CCND3: variants seen among roughly 807,000 people sequenced by gnomAD.
CCND3 encodes the protein cyclin D3, also known as G1/S-specific cyclin-D3.
Under a neutral mutation model 28.7 loss-of-function variants are expected in CCND3, and 9 were observed. The ratio of observed to expected loss-of-function variants is 0.31; its 90% CI spans 0.19 to 0.55. CCND3 has a LOEUF of 0.55. Among genes scored for constraint, CCND3 ranks in the 20% least tolerant of loss-of-function variants. CCND3 has a pLI of 0.93. For synonymous variants in CCND3, 164 were observed against 163.9 expected (o/e 1.00, Z 0.00); for missense variants, 315 against 385.8 (o/e 0.82, Z 1.54).
chr6:41,937,152 TA>T, intron 3 of CCND3, 82 bp downstream of exon 3: 2 of 1,466,604 alleles, frequency 1.4e-6, no homozygotes, highest in Non-Finnish European at 1.9e-6. Flanking sequence ...TTTGACAGTA[TA>T]AACCAGAATC....
chr6:41,977,473 T>C (rs999490973), intron 1 of CCND3, among the ~76,000 whole-genome samples: 4 of 152,118 alleles, frequency 2.6e-5, no homozygotes, highest in African/African-American at 9.7e-5. Flanking sequence ...TTCAGGCGAT[T>C]CTCCTGCCTC....
At chr6:42,008,439 T>C (rs971344243) in intron 1 of CCND3, among the ~76,000 whole-genome samples, 4 of 152,192 alleles carry the variant, frequency 2.6e-5, no homozygotes, top group East Asian at 1.9e-4. Flanking sequence ...AGTGTGTATG[T>C]ATAAAGTGAC....
intron 1 of CCND3, among the ~76,000 whole-genome samples, chr6:41,954,323 C>A (rs1191815642): frequency 2.9e-5 from 4 of 137,640 alleles, no homozygotes; most frequent in African/African-American, 1.1e-4. Context: ...GAGGCTGAGG[C>A]AGGCGAATCA....
intron 1 of CCND3, among the ~76,000 whole-genome samples, chr6:41,999,066 T>C (rs1409193872): frequency 6.6e-6 from 1 of 152,118 alleles, no homozygotes; most frequent in Non-Finnish European, 1.5e-5. Flanking sequence ...AAAACTGACA[T>C]AAAAAGATTA....
rs533782776 is a variant in CCND3, at chr6:41,948,763, C to T, written c.-45-8178G>A. The stretch of plus-strand genomic sequence containing the variant: ...GCTAAGGCAAGAGAATTGCTTGAAC[C>T]GGGACCCGGGAAGCGGAGGTTGCAG... On this transcript the variant is annotated intron_variant, in intron 1 of 4. Coordinates refer to the CCND3 transcript ENST00000372988. Among the ~76,000 whole-genome samples, 5 of 150,756 alleles carry T rather than the reference C, an allele frequency of 3.3e-5. No individual in the cohort carries two copies. In the South Asian group the frequency reaches 8.5e-4, roughly 26 times the overall value.
intron 1 of CCND3, among the ~76,000 whole-genome samples, chr6:42,018,749 G>C (rs1412238450): frequency 6.6e-6 from 1 of 151,850 alleles, no homozygotes; most frequent in African/African-American, 2.4e-5. Flanking sequence ...AAATTAACCA[G>C]GTATGGTGGC....
chr6:42,025,030 C>G (rs1206871528), intron 1 of CCND3, among the ~76,000 whole-genome samples: 1 of 152,148 alleles, frequency 6.6e-6, no homozygotes, highest in Non-Finnish European at 1.5e-5. Flanking sequence ...TGCACTCCAG[C>G]TTGGGTGACA....
At chr6:42,019,230 G>A (rs1352180624) in intron 1 of CCND3, among the ~76,000 whole-genome samples, 1 of 152,136 alleles carries the variant, frequency 6.6e-6, no homozygotes, top group Non-Finnish European at 1.5e-5. Context: ...GCTCCCACCT[G>A]TAATCCCAGC....
rs369001186 is a variant in CCND3 at position 41,964,349 on chromosome 6, TGA to T, written c.-45-23766_-45-23765del. 1.3e-3 allele frequency among the ~76,000 whole-genome samples: 196 copies of T among 150,062 alleles called. 5 individuals carry two copies. The South Asian group carries it at 0.034, about 26-fold the overall frequency. ...GTGTGAATGTGTGTGTGAATGTGTG[TGA>T]GTCTGTGTGTGTATGTGTGAATGTG... On this transcript the variant is annotated intron_variant, in intron 1 of 4. Coordinates refer to the CCND3 transcript ENST00000372988.
rs1176120032 is a variant in CCND3, at chr6:41,938,393, G to C, written c.415-999C>G. 1.3e-5 allele frequency: 2 copies of C among 152,232 alleles called. No individual in the cohort carries two copies. The highest frequency in any genetic ancestry group is 4.8e-5 in the African/African-American group (2 of 41,434). The allele number at this position is 152,232 out of a possible 1,614,324, so 9.4% of individuals were successfully genotyped here. ...TGTCTCTCTCTTGGCCCCAGCTTAG[G>C]TGTCAGCCTCTCAAATCAACCCCTA... is the stretch of plus-strand genomic sequence containing the variant. On this transcript the variant is annotated intron_variant, in intron 2 of 4. Transcript: ENST00000372991. The surrounding 1 kb of genome is among the most constrained non-coding windows in gnomAD (Gnocchi z 4.6).
chr6:41,959,986 T>C (rs1233193400), intron 1 of CCND3, among the ~76,000 whole-genome samples: 1 of 151,616 alleles, frequency 6.6e-6, no homozygotes, highest in Admixed American at 6.6e-5. Context: ...CAACCCAACA[T>C]TTGTGGACAT....
At chr6:41,950,834 G>A (rs372089212) in intron 1 of CCND3, among the ~76,000 whole-genome samples, 2 of 150,850 alleles carry the variant, frequency 1.3e-5, no homozygotes, top group Non-Finnish European at 1.5e-5. Context: ...ACAGCCTCCC[G>A]AGTAGCTGGG....
rs1211552893 is a variant in CCND3 at position 42,048,592 on chromosome 6, G to C, written c.-137C>G. On this transcript the variant is annotated 5_prime_UTR_variant, in exon 1 of 5. Coordinates refer to the CCND3 transcript ENST00000372988. This position sits in a 1 kb window ranked among gnomAD's most constrained non-coding sequence, Gnocchi z 4.7. ...GAGCCTGCCTTTGGGGAGTGGGGGT[G>C]GTCGCAACCACCAGCCGCGAGGAGA... 1 of 515,280 alleles carries C rather than the reference G, an allele frequency of 1.9e-6. No homozygotes were observed. Among genetic ancestry groups the C allele is most frequent in the Admixed American group, 2.0e-5 (1 of 51,036 alleles). 31.9% of individuals were successfully genotyped at this position (515,280 alleles called of 1,614,324 possible). A position where few individuals can be genotyped will look rare whatever the true frequency, so the allele number is the denominator to read the frequency against.
chr6:42,004,684 T>C (rs1763128071), intron 1 of CCND3, among the ~76,000 whole-genome samples: 1 of 152,116 alleles, frequency 6.6e-6, no homozygotes, highest in African/African-American at 2.4e-5. Flanking sequence ...GACCTGAGAC[T>C]GCACCACTGC....
Position 41,941,019 on chromosome 6 carries a change from GGGCGCGCGCCACCCCCATC to G in CCND3, c.198+414_198+432del. 1 of 1,610,372 alleles carries G rather than the reference GGGCGCGCGCCACCCCCATC, an allele frequency of 6.2e-7. No homozygotes were observed. The highest frequency in any genetic ancestry group is 8.5e-7 in the Non-Finnish European group (1 of 1,178,304). On this transcript the variant is annotated intron_variant, in intron 1 of 4. Transcript: ENST00000372991. This position sits in a 1 kb window ranked among gnomAD's most constrained non-coding sequence, Gnocchi z 6.1. ...TTTCATTTCCCTGTCGGCCGGAACA[GGGCGCGCGCCACCCCCATC>G]GCCTTCCCCGCCAGAACCCCGCGAA...
chr6:42,019,187 A>G (rs1167059866), intron 1 of CCND3, among the ~76,000 whole-genome samples: 1 of 152,072 alleles, frequency 6.6e-6, no homozygotes, highest in African/African-American at 2.4e-5. Flanking sequence ...TAAAAAATGT[A>G]AAACAAAAAG....
At position 41,940,496 on chromosome 6, in the gene CCND3, C is replaced by T. The variant is rs759822167; in HGVS notation, c.288G>A (p.Lys96=). The T allele has an allele frequency of 1.9e-6, 3 of 1,614,096 alleles. No individual in the cohort carries two copies. The highest frequency in any genetic ancestry group is 1.7e-5 in the Admixed American group (1 of 60,016). ...DRYLSCVPTR[K]AQLQLLGAVC... is the part of the protein sequence containing the mutation. ...CCGCACCCAGGAGCTGCAACTGCGC[C>T]TTTCGGGTGGGGACGCAAGACAGGT... The change falls in exon 2 of 5, where the codon AAG becomes AAA. Residue 96 remains lysine (K), a synonymous_variant. Coordinates refer to ENST00000372991, the MANE Select transcript of CCND3 (RefSeq NM_001760.5).
At chr6:42,033,132 G>A (rs1324294753) in intron 1 of CCND3, among the ~76,000 whole-genome samples, 1 of 152,134 alleles carries the variant, frequency 6.6e-6, no homozygotes, top group Non-Finnish European at 1.5e-5. Context: ...TGTGGCCAGG[G>A]TAAGTATTGT....
At chr6:41,974,982 C>T (rs1358210312) in intron 1 of CCND3, among the ~76,000 whole-genome samples, 2 of 151,734 alleles carry the variant, frequency 1.3e-5, no homozygotes, top group African/African-American at 4.8e-5. Context: ...TTAGTAGAGA[C>T]AGGGTTTCAC....
Sources: gnomAD v4.1 joint callset for allele counts (sites outside exome capture counted in the v4.1 genomes callset) on GRCh38, gnomAD v4.1.1 for gene constraint, Gnocchi (gnomAD v3.1) non-coding constraint, MANE v1.5 for transcripts, NCBI Gene and HGNC (gene_info 2026-07-23, HGNC 2026-07-21) for gene names.